The following PCDHA9 variants were observed in gnomAD, a reference collection of about 807,000 sequenced individuals.
PCDHA9 encodes the protein protocadherin alpha-9.
A neutral mutation model predicts 62.0 loss-of-function variants in PCDHA9; 62 were observed. That is an observed-to-expected ratio of 1.00 (90% CI 0.81 to 1.23). PCDHA9 has a LOEUF of 1.23. Ranked by LOEUF, PCDHA9 falls within the 50% of genes most tolerant of loss-of-function variation. The pLI is 0.00. For synonymous variants in PCDHA9, 557 were observed against 567.6 expected, an observed-to-expected ratio of 0.98 and a Z score of 0.27; for missense variants, 1,205 against 1,249.8, an observed-to-expected ratio of 0.96 and a Z score of 0.54.
Position 140,857,156 on chromosome 5 carries a change from C to T in PCDHA9, c.2394+6267C>T, listed in dbSNP as rs782492965. The T allele has an allele frequency of 4.4e-5, 71 of 1,598,308 alleles. 2 individuals carry two copies. In the South Asian group the frequency reaches 7.7e-4, roughly 17 times the overall value. On this transcript the variant is annotated intron_variant, in intron 1 of 3. Transcript: ENST00000532602. ...TGCTCAAGTGGGCACCGTCATTGCC[C>T]TAATCAGCGTTTCTGACCATGATTC...
intron 1 of PCDHA9, among the ~76,000 whole-genome samples, chr5:140,897,837 C>A: frequency 6.6e-6 from 1 of 152,116 alleles, no homozygotes; most frequent in African/African-American, 2.4e-5. Context: ...TCTCCACATC[C>A]TCTCCAGCAC....
chr5:140,925,027 C>A (rs1238112043), intron 1 of PCDHA9, among the ~76,000 whole-genome samples: 1 of 151,680 alleles, frequency 6.6e-6, no homozygotes, highest in Non-Finnish European at 1.5e-5. Flanking sequence ...GGGAGGATCG[C>A]TTGAGCCCAG....
chr5:140,935,393 C>T (rs1213341467), intron 1 of PCDHA9, among the ~76,000 whole-genome samples: 2 of 152,166 alleles, frequency 1.3e-5, no homozygotes, highest in Admixed American at 6.5e-5. Context: ...TGTTATCCCA[C>T]GGGACTCAAA....
At chr5:140,892,011 A>G (rs1001369849) in intron 1 of PCDHA9, among the ~76,000 whole-genome samples, 10 of 152,244 alleles carry the variant, frequency 6.6e-5, no homozygotes, top group African/African-American at 2.4e-4. Flanking sequence ...CTGTTATAGC[A>G]GCACAAATGG....
rs1554228541 is a variant in PCDHA9 at position 140,966,673 on chromosome 5, T to C, written c.2395-12276T>C. 2.3e-6 allele frequency: 3 copies of C among 1,290,056 alleles called. No homozygotes were observed. The African/African-American group carries it at 4.7e-5, about 20-fold the overall frequency. The allele number at this position is 1,290,056 out of a possible 1,614,324, so 79.9% of individuals were successfully genotyped here. A position where few individuals can be genotyped will look rare whatever the true frequency, so the allele number is the denominator to read the frequency against. On this transcript the variant is annotated intron_variant, in intron 1 of 3. Coordinates refer to ENST00000532602, the MANE Select transcript of PCDHA9 (RefSeq NM_031857.2). ...GAGCGGTGGGGGAGCAGGCGCAGGG[T>C]GGCACGAGCGGAGGCGGGGCCCGGG...
chr5:140,869,297 G>T lies in PCDHA9; in HGVS notation c.2394+18408G>T. 3.7e-6 allele frequency: 6 copies of T among 1,613,580 alleles called. No homozygotes were observed. The highest frequency in any genetic ancestry group is 1.1e-5 in the South Asian group (1 of 91,050). On this transcript the variant is annotated intron_variant, in intron 1 of 3. Transcript: ENST00000532602. ...GCGGAGCTGGTGCAGCGCCTGTTCC[G>T]GGTGGCGTCCAAAACACATGGGGAC...
chr5:140,962,339 G>A (rs1454430913), intron 1 of PCDHA9, among the ~76,000 whole-genome samples: 1 of 152,152 alleles, frequency 6.6e-6, no homozygotes, highest in Non-Finnish European at 1.5e-5. Flanking sequence ...TGATAAAGAA[G>A]TAAAACTCCC....
Position 140,849,923 on chromosome 5 carries a change from G to C in PCDHA9, c.1428G>C (p.Thr476=). 3 of 1,598,322 alleles carry C rather than the reference G, an allele frequency of 1.9e-6. No homozygotes were observed. Among genetic ancestry groups the C allele is most frequent in the Non-Finnish European group, 2.6e-6 (3 of 1,167,804 alleles). ...ENNPPGCHIF[T]VSARDADAQE... is the part of the protein sequence containing the mutation. ...ACCCGCCGGGCTGCCACATCTTCACGGTGTCTGCGCGGGACGCTGACGCGC... is the reference window on the plus strand; with the variant it reads ...ACCCGCCGGGCTGCCACATCTTCACCGTGTCTGCGCGGGACGCTGACGCGC... The change falls in exon 1 of 4, where the codon ACG becomes ACC. Residue 476 remains threonine (T), a synonymous_variant. Coordinates refer to ENST00000532602, the MANE Select transcript of PCDHA9 (RefSeq NM_031857.2).
chr5:140,877,144 G>C, intron 1 of PCDHA9: 2 of 1,613,772 alleles, frequency 1.2e-6, no homozygotes, highest in South Asian at 1.1e-5. Context: ...CGTGCTGGAC[G>C]AGAACGACAA....
chr5:140,929,225 C>T (rs1249117880), intron 1 of PCDHA9: 2 of 1,613,724 alleles, frequency 1.2e-6, no homozygotes, highest in Non-Finnish European at 1.7e-6. Flanking sequence ...TACAATGCTG[C>T]CGACCTGCGA....
At chr5:140,909,835 C>T (rs1554193946) in intron 1 of PCDHA9, among the ~76,000 whole-genome samples, 2 of 152,068 alleles carry the variant, frequency 1.3e-5, no homozygotes, top group Non-Finnish European at 2.9e-5. Context: ...AACTGGAGGA[C>T]CACCAGGACG....
chr5:140,968,719 G>C lies in PCDHA9; in HGVS notation c.2395-10230G>C. The C allele has an allele frequency of 1.9e-6, 3 of 1,614,148 alleles. No homozygotes were observed. Among genetic ancestry groups the C allele is most frequent in the African/African-American group, 1.3e-5 (1 of 75,038 alleles). ...GGACTACCAGGAAGATGGGAGATGA[G>C]AGTGGTAGCACTTTCAACCTGACCG... On this transcript the variant is annotated intron_variant, in intron 1 of 3. Transcript: ENST00000532602.
At chr5:140,889,763 T>C (rs2062377523) in intron 1 of PCDHA9, among the ~76,000 whole-genome samples, 1 of 152,192 alleles carries the variant, frequency 6.6e-6, no homozygotes, top group African/African-American at 2.4e-5. Context: ...TCCTTGAACT[T>C]TGACTGGTCT....
intron 1 of PCDHA9, among the ~76,000 whole-genome samples, chr5:140,900,759 A>G (rs1419646582): frequency 6.6e-6 from 1 of 152,044 alleles, no homozygotes; most frequent in Non-Finnish European, 1.5e-5. Context: ...TGGTAGCTCT[A>G]TTTTTGGCTT....
At chr5:140,971,366 G>A (rs1554233245) in intron 1 of PCDHA9, among the ~76,000 whole-genome samples, 1 of 152,186 alleles carries the variant, frequency 6.6e-6, no homozygotes, top group Non-Finnish European at 1.5e-5. Flanking sequence ...TTTGCCAGGA[G>A]AGTGCATGAC....
chr5:140,924,613 T>G (rs185833158), intron 1 of PCDHA9, among the ~76,000 whole-genome samples: 1 of 152,170 alleles, frequency 6.6e-6, no homozygotes, highest in African/African-American at 2.4e-5. Context: ...TGATGCCAGG[T>G]GCGGTGGCAT....
rs781920660 is a variant in PCDHA9 at position 140,857,284 on chromosome 5, G to A, written c.2394+6395G>A. On this transcript the variant is annotated intron_variant, in intron 1 of 3. Transcript: ENST00000532602. Reference sequence around the variant, plus strand: ...ACTCATTGGTGCTGGACAGCGCTCTGGACCGCGAGAGGGTGTCGGCCTATG... The same window carrying A: ...ACTCATTGGTGCTGGACAGCGCTCTAGACCGCGAGAGGGTGTCGGCCTATG... 4 of 1,598,734 alleles carry A rather than the reference G, an allele frequency of 2.5e-6. 1 individual carries two copies. Among genetic ancestry groups the A allele is most frequent in the Non-Finnish European group, 2.6e-6 (3 of 1,168,028 alleles).
At chr5:140,857,221 C>T in intron 1 of PCDHA9, 1 of 1,598,474 alleles carries the variant, frequency 6.3e-7, no homozygotes, top group South Asian at 1.1e-5. Context: ...TGACGCCTCA[C>T]GTTCCGTTCA....
chr5:140,905,472 C>T (rs782287736), intron 1 of PCDHA9, among the ~76,000 whole-genome samples: 14 of 152,042 alleles, frequency 9.2e-5, no homozygotes, highest in Non-Finnish European at 1.6e-4. Flanking sequence ...TAATGTGATG[C>T]CTTCAGATTT....
Sources: allele counts gnomAD v4.1 joint callset (sites outside exome capture counted in the v4.1 genomes callset), GRCh38; gene constraint gnomAD v4.1.1; transcripts MANE v1.5; gene names NCBI Gene and HGNC (gene_info 2026-07-23, HGNC 2026-07-21).